The following DCC variants were observed in gnomAD, a reference collection of about 807,000 sequenced individuals.
The protein encoded by DCC is DCC netrin 1 receptor, also known as netrin receptor DCC.
DCC carries 58 observed loss-of-function variants against 172.5 expected under a neutral mutation model. The ratio of observed to expected loss-of-function variants is 0.34; its 90% CI spans 0.27 to 0.42. The LOEUF is 0.42. Among genes scored for constraint, DCC ranks in the 10% least tolerant of loss-of-function variants. The pLI is 1.00. For missense variants in DCC, 1,740 were observed against 1,791.0 expected (o/e 0.97, Z 0.51); for synonymous variants, 709 against 644.5 (o/e 1.10, Z -1.52).
intron 1 of DCC, among the ~76,000 whole-genome samples, chr18:52,630,543 C>T (rs2034655443): frequency 6.6e-6 from 1 of 152,116 alleles, no homozygotes; most frequent in South Asian, 2.1e-4. Context: ...TAGTAAGATA[C>T]ATGGTAAATG....
chr18:53,018,772 A>G (rs1222896655), intron 5 of DCC, among the ~76,000 whole-genome samples: 1 of 152,188 alleles, frequency 6.6e-6, no homozygotes, highest in African/African-American at 2.4e-5. Flanking sequence ...TGAATAAAAC[A>G]TGCTCTTTGC....
intron 3 of DCC, among the ~76,000 whole-genome samples, chr18:52,911,520 A>T (rs2039970164): frequency 1.3e-5 from 2 of 152,048 alleles, no homozygotes; most frequent in South Asian, 4.1e-4. Flanking sequence ...TCTGTGTCAG[A>T]CCCCATGATA....
At chr18:53,026,591 T>G (rs2041958108) in intron 5 of DCC, among the ~76,000 whole-genome samples, 1 of 152,152 alleles carries the variant, frequency 6.6e-6, no homozygotes, top group African/African-American at 2.4e-5. Flanking sequence ...GGTATCTCTC[T>G]GTCACCTAGG....
intron 24 of DCC, among the ~76,000 whole-genome samples, chr18:53,466,220 T>C (rs1033283207): frequency 1.3e-5 from 2 of 152,188 alleles, no homozygotes; most frequent in Admixed American, 1.3e-4. Flanking sequence ...CACTCAGTGG[T>C]TGCCATTTTA....
Position 52,925,214 on chromosome 18 carries a change from A to G in DCC, c.849-20A>G. The G allele has an allele frequency of 3.1e-6, 5 of 1,610,622 alleles. No homozygotes were observed. The highest frequency in any genetic ancestry group is 3.4e-6 in the Non-Finnish European group (4 of 1,177,374). On this transcript the variant is annotated intron_variant, in intron 4 of 28. Coordinates refer to ENST00000442544, the MANE Select transcript of DCC (RefSeq NM_005215.4). Reference sequence around the variant, plus strand: ...ATATACATATGTTAATTTACTCTGCACCTTCCCTATGTCTTGCAGGTCTAA... The same window carrying G: ...ATATACATATGTTAATTTACTCTGCGCCTTCCCTATGTCTTGCAGGTCTAA...
chr18:53,339,706 A>G lies in DCC; in HGVS notation c.2165-7A>G, dbSNP rs1311630644. On this transcript the variant is annotated splice_polypyrimidine_tract_variant and splice_region_variant and intron_variant, in intron 14 of 28. Transcript: ENST00000442544. ...ACATGCTGATGATGCCTCTTTTTGAATGCTAGAATCTCAAGTTCCTGATCA... is the reference window on the plus strand; with the variant it reads ...ACATGCTGATGATGCCTCTTTTTGAGTGCTAGAATCTCAAGTTCCTGATCA... 2 of 1,612,710 alleles carry G rather than the reference A, an allele frequency of 1.2e-6. No individual in the cohort carries two copies.
At chr18:53,424,210 C>T (rs1325514242) in intron 21 of DCC, among the ~76,000 whole-genome samples, 3 of 152,046 alleles carry the variant, frequency 2.0e-5, no homozygotes, top group Non-Finnish European at 4.4e-5. Flanking sequence ...TGAATTTCAC[C>T]AGCTGCTTGG....
At chr18:52,561,255 A>C (rs937200619) in intron 1 of DCC, among the ~76,000 whole-genome samples, 28 of 147,246 alleles carry the variant, frequency 1.9e-4, no homozygotes, top group African/African-American at 6.5e-4. Flanking sequence ...TTGAATCTGT[A>C]ATTCTAGAGT....
chr18:53,470,692 G>A (rs990104549), intron 25 of DCC, among the ~76,000 whole-genome samples: 3 of 152,078 alleles, frequency 2.0e-5, no homozygotes, highest in African/African-American at 7.2e-5. Context: ...TGAAGGAAAA[G>A]CAAGTACCTT....
At chr18:52,899,827 TATTGCTTGTGTTTCCTAAAC>T (rs1162253084) in intron 2 of DCC, among the ~76,000 whole-genome samples, 2 of 152,174 alleles carry the variant, frequency 1.3e-5, no homozygotes, top group Non-Finnish European at 2.9e-5. Flanking sequence ...CTTTCCTAGT[TATTGCTTGTGTTTCCTAAAC>T]TTTCCAATAT....
At chr18:53,420,192 A>C (rs1910564113) in intron 21 of DCC, among the ~76,000 whole-genome samples, 2 of 152,198 alleles carry the variant, frequency 1.3e-5, no homozygotes, top group Admixed American at 1.3e-4. Flanking sequence ...GCATGACAAC[A>C]GATATGTTAC....
chr18:52,738,100 CA>C (rs1380318275), intron 1 of DCC, among the ~76,000 whole-genome samples: 1 of 152,008 alleles, frequency 6.6e-6, no homozygotes, highest in African/African-American at 2.4e-5. Flanking sequence ...CCACAGAGCG[CA>C]AAAAAATTTA....
At chr18:53,521,014 C>A (rs1320963887) in intron 27 of DCC, among the ~76,000 whole-genome samples, 1 of 152,014 alleles carries the variant, frequency 6.6e-6, no homozygotes, top group Non-Finnish European at 1.5e-5. Context: ...CCTTCCTCTC[C>A]AGGGACCTCA....
intron 1 of DCC, among the ~76,000 whole-genome samples, chr18:52,440,525 A>G (rs2144494013): frequency 6.6e-6 from 1 of 152,360 alleles, no homozygotes; most frequent in East Asian, 1.9e-4. Flanking sequence ...CAGTGCCCTC[A>G]ACAATGGAGA....
intron 8 of DCC, among the ~76,000 whole-genome samples, chr18:53,171,549 G>T (rs1598872209): frequency 6.6e-6 from 1 of 152,022 alleles, no homozygotes; most frequent in Non-Finnish European, 1.5e-5. Flanking sequence ...ATTAATTTTG[G>T]ATAATTTTTG....
chr18:53,496,062 T>G (rs570742072), intron 26 of DCC, among the ~76,000 whole-genome samples: 1 of 152,142 alleles, frequency 6.6e-6, no homozygotes, highest in Non-Finnish European at 1.5e-5. Flanking sequence ...GCCTGACAGT[T>G]CTGAAGAGAG....
chr18:53,475,021 G>A (rs941431662), intron 25 of DCC, among the ~76,000 whole-genome samples: 3 of 151,490 alleles, frequency 2.0e-5, no homozygotes, highest in Non-Finnish European at 4.4e-5. Context: ...CTTTGGTTAT[G>A]TTTTAGCAAA....
intron 12 of DCC, among the ~76,000 whole-genome samples, chr18:53,297,508 C>A (rs1019841346): frequency 2.0e-5 from 3 of 152,170 alleles, no homozygotes; most frequent in African/African-American, 7.2e-5. Flanking sequence ...GACCAAAAGT[C>A]AAGTCACAGC....
chr18:52,605,914 TGTC>T (rs997732151), intron 1 of DCC, among the ~76,000 whole-genome samples: 14 of 152,112 alleles, frequency 9.2e-5, no homozygotes, highest in African/African-American at 3.1e-4. Flanking sequence ...GGTGAGTAAT[TGTC>T]GTATCAATTA....
Sources: gnomAD v4.1 joint callset for allele counts (sites outside exome capture counted in the v4.1 genomes callset) on GRCh38, gnomAD v4.1.1 for gene constraint, MANE v1.5 for transcripts, NCBI Gene and HGNC (gene_info 2026-07-23, HGNC 2026-07-21) for gene names.